NEIL1: variants seen among roughly 807,000 people sequenced by gnomAD.
The protein encoded by NEIL1 is endonuclease 8-like 1.
NEIL1 carries 31 observed loss-of-function variants against 44.2 expected under a neutral mutation model. That is an observed-to-expected ratio of 0.70 (90% CI 0.53 to 0.95). NEIL1 has a LOEUF of 0.95. Ranked by LOEUF, NEIL1 falls within the 40% of genes least tolerant of loss-of-function variation. The pLI is 0.00. For missense variants in NEIL1, 549 were observed against 515.5 expected (o/e 1.07, Z -0.63); for synonymous variants, 254 against 209.7 (o/e 1.21, Z -1.83).
At chr15:75,350,148 A>G (rs1229337145) in intron 2 of NEIL1, among the ~76,000 whole-genome samples, 1 of 152,212 alleles carries the variant, frequency 6.6e-6, no homozygotes, top group South Asian at 2.1e-4. Flanking sequence ...TGCCTGCAGT[A>G]GGGTGTAACA....
At position 75,356,681 on chromosome 15, in the gene NEIL1, G is replaced by A. The variant is rs565614492; in HGVS notation, c.*1647G>A. The A allele has an allele frequency of 4.4e-6, 7 of 1,594,692 alleles. No individual in the cohort carries two copies. The highest frequency in any genetic ancestry group is 2.7e-5 in the African/African-American group (2 of 74,574). ...GTAGCGTCCGGGGCTTTAGGCGCCC[G>A]CAAGCTGGGGTGAGGAGGGCGCGTA... is the stretch of plus-strand genomic sequence containing the variant. On this transcript the variant is annotated 3_prime_UTR_variant, in exon 10 of 10. Transcript: ENST00000355059. This position sits in a 1 kb window ranked among gnomAD's most constrained non-coding sequence, Gnocchi z 5.8.
chr15:75,351,963 A>G (rs948141338), intron 2 of NEIL1, 148 bp from the exon 3 acceptor site: 1 of 694,726 alleles, frequency 1.4e-6, no homozygotes, highest in Non-Finnish European at 2.5e-6. Flanking sequence ...GTTCCCATTT[A>G]ACAGATAGGA....
At position 75,348,095 on chromosome 15, in the gene NEIL1, G is replaced by A. The variant is rs563019565; in HGVS notation, c.-23+622G>A. The A allele has an allele frequency of 2.6e-4, 246 of 947,298 alleles. No individual in the cohort carries two copies. The African/African-American group carries it at 4.1e-3, about 16-fold the overall frequency. 58.7% of individuals were successfully genotyped at this position (947,298 alleles called of 1,614,324 possible). A position where few individuals can be genotyped will look rare whatever the true frequency, so the allele number is the denominator to read the frequency against. The stretch of plus-strand genomic sequence containing the variant: ...CGGGCCCTTTCCCTCCCCCAGGCCC[G>A]GGGCAGGAGCTCGGGGAGCCCTTCC... On this transcript the variant is annotated intron_variant, in intron 1 of 9. Coordinates refer to ENST00000355059, the MANE Select transcript of NEIL1 (RefSeq NM_024608.4).
chr15:75,356,204 G>A lies in NEIL1; in HGVS notation c.*1170G>A. 1.2e-6 allele frequency: 2 copies of A among 1,613,270 alleles called. No individual in the cohort carries two copies. The highest frequency in any genetic ancestry group is 8.5e-7 in the Non-Finnish European group (1 of 1,179,882). On this transcript the variant is annotated 3_prime_UTR_variant, in exon 10 of 10. Coordinates refer to ENST00000355059, the MANE Select transcript of NEIL1 (RefSeq NM_024608.4). This position sits in a 1 kb window ranked among gnomAD's most constrained non-coding sequence, Gnocchi z 5.8. ...AGCCTCAGGACCAGCGAGCGGCGCT[G>A]GGGGCTGCTCTCCGCCTGCAGAGGA...
In NEIL1 at chr15:75,355,755, G is replaced by C; in HGVS notation, c.*721G>C. 25 of 424,072 alleles carry C rather than the reference G, an allele frequency of 5.9e-5. No homozygotes were observed. The highest frequency in any genetic ancestry group is 7.6e-5 in the Non-Finnish European group (18 of 237,980). 26.3% of individuals were successfully genotyped at this position (424,072 alleles called of 1,614,324 possible). A position where few individuals can be genotyped will look rare whatever the true frequency, so the allele number is the denominator to read the frequency against. On this transcript the variant is annotated 3_prime_UTR_variant, in exon 10 of 10. Coordinates refer to ENST00000355059, the MANE Select transcript of NEIL1 (RefSeq NM_024608.4). Reference sequence around the variant, plus strand: ...CCCAGACTTCCCACCCCCACCCCAAGCGTGAGGATGGGCCCTAAGGGGACT... The same window carrying C: ...CCCAGACTTCCCACCCCCACCCCAACCGTGAGGATGGGCCCTAAGGGGACT...
intron 2 of NEIL1, chr15:75,349,646 T>A (rs1002107833): frequency 3.4e-5 from 11 of 325,262 alleles, no homozygotes; most frequent in Middle Eastern, 9.0e-4. Flanking sequence ...AAACCCTGTC[T>A]CTACTGAAAA....
In NEIL1 at chr15:75,356,073, G is replaced by C. The variant is rs990625950; in HGVS notation, c.*1039G>C. On this transcript the variant is annotated 3_prime_UTR_variant, in exon 10 of 10. Coordinates refer to ENST00000355059, the MANE Select transcript of NEIL1 (RefSeq NM_024608.4). The surrounding 1 kb of genome is among the most constrained non-coding windows in gnomAD (Gnocchi z 5.8). ...GGCCATGAAGGCTCTGCGAGGGCGAGACTCGACCCCCGCCCCAATCCCACA... is the reference window on the plus strand; with the variant it reads ...GGCCATGAAGGCTCTGCGAGGGCGACACTCGACCCCCGCCCCAATCCCACA... 6.2e-6 allele frequency: 10 copies of C among 1,613,380 alleles called. No individual in the cohort carries two copies. In the Admixed American group the frequency reaches 1.7e-4, roughly 27 times the overall value.
At chr15:75,349,672 G>T in intron 2 of NEIL1, 1 of 263,644 alleles carries the variant, frequency 3.8e-6, no homozygotes, top group East Asian at 8.2e-5. Context: ...AAATTAGCCG[G>T]GCATGGTGGC....
At chr15:75,348,092 C>A in intron 1 of NEIL1, 1 of 966,718 alleles carries the variant, frequency 1.0e-6, no homozygotes, top group Non-Finnish European at 1.3e-6. Flanking sequence ...CTCCCCCAGG[C>A]CCGGGGCAGG....
chr15:75,349,555 C>A, intron 2 of NEIL1: 1 of 578,094 alleles, frequency 1.7e-6, no homozygotes, highest in Non-Finnish European at 3.0e-6. Flanking sequence ...TGGCTCAAGT[C>A]TGTAAATCCC....
intron 5 of NEIL1, 102 bp from the exon 6 acceptor site, chr15:75,353,637 A>C: frequency 8.1e-7 from 1 of 1,240,918 alleles, no homozygotes. Flanking sequence ...GACTCAGTCC[A>C]TCAGCTTGTG....
intron 7 of NEIL1, 47 bp from the exon 8 acceptor site, chr15:75,354,384 C>G (rs2072183505): frequency 2.5e-6 from 4 of 1,613,208 alleles, no homozygotes; most frequent in Non-Finnish European, 2.5e-6. Context: ...TGGGAGTCAC[C>G]CCTGGGCAGG....
chr15:75,351,463 A>T, intron 2 of NEIL1: 1 of 351,894 alleles, frequency 2.8e-6, no homozygotes, highest in Admixed American at 4.0e-5. Context: ...TTTTTGGTAG[A>T]GATGGGGTCT....
intron 5 of NEIL1, chr15:75,353,391 G>A (rs1407433420): frequency 8.8e-6 from 3 of 340,316 alleles, no homozygotes; most frequent in Non-Finnish European, 1.8e-5. Flanking sequence ...CGGGCTAATT[G>A]TTAAAAATTT....
chr15:75,349,255 TC>T lies in NEIL1; in HGVS notation c.352del (p.Arg118AlafsTer35), dbSNP rs1410358445. On this transcript the variant is annotated frameshift_variant, in exon 2 of 10. Coordinates refer to ENST00000355059, the MANE Select transcript of NEIL1 (RefSeq NM_024608.4). LOFTEE classifies it high-confidence loss of function. Reference protein sequence around the residue: ...GPRLALCFVDIRRFGRWDLGG... With the variant: ...GPRLALCFVDXRRFGRWDLGG... ...CGGCTCGCCCTATGTTTCGTGGACATCCGCCGGTTCGGCCGCTGGGACCTTG... is the reference window on the plus strand; with the variant it reads ...CGGCTCGCCCTATGTTTCGTGGACATCGCCGGTTCGGCCGCTGGGACCTTG... The T allele has an allele frequency of 6.2e-7, 1 of 1,611,232 alleles. No individual in the cohort carries two copies. The highest frequency in any genetic ancestry group is 1.1e-5 in the South Asian group (1 of 91,052).
At chr15:75,351,822 A>G (rs1322943246) in intron 2 of NEIL1, 5 of 346,488 alleles carry the variant, frequency 1.4e-5, no homozygotes, top group Non-Finnish European at 2.8e-5. Flanking sequence ...GGGTTTCACC[A>G]TGTTGGCCAG....
Position 75,356,414 on chromosome 15 carries a change from A to G in NEIL1, c.*1380A>G. ...GCCAACAGGGGGAAGTTTAGGCTGT[A>G]GGCAGCTTGGATAACGCCAGCATCC... On this transcript the variant is annotated 3_prime_UTR_variant, in exon 10 of 10. Transcript: ENST00000355059. The surrounding 1 kb of genome is among the most constrained non-coding windows in gnomAD (Gnocchi z 5.8). The G allele has an allele frequency of 6.8e-6, 11 of 1,609,004 alleles. No individual in the cohort carries two copies. The highest frequency in any genetic ancestry group is 6.8e-6 in the Non-Finnish European group (8 of 1,178,198).
At chr15:75,352,943 C>T (rs1022655358) in intron 5 of NEIL1, 4 of 434,558 alleles carry the variant, frequency 9.2e-6, no homozygotes, top group African/African-American at 6.0e-5. Context: ...AGTTCGAGAC[C>T]ATCCTGGCCA....
At chr15:75,351,274 CTT>C (rs11422837) in intron 2 of NEIL1, 8,775 of 328,410 alleles carry the variant, frequency 0.027, no homozygotes, top group South Asian at 0.032. Context: ...CCTCATGTTG[CTT>C]TTTTTTTTTT....
Sources: gnomAD v4.1 joint callset for allele counts (sites outside exome capture counted in the v4.1 genomes callset) on GRCh38, gnomAD v4.1.1 for gene constraint, Gnocchi (gnomAD v3.1) non-coding constraint, MANE v1.5 for transcripts, NCBI Gene and HGNC (gene_info 2026-07-23, HGNC 2026-07-21) for gene names.